Variants in ASB3 observed in about 807,000 individuals in gnomAD.
The protein encoded by ASB3 is ankyrin repeat and SOCS box protein 3.
Under a neutral mutation model 54.5 loss-of-function variants are expected in ASB3, and 41 were observed. The observed-to-expected ratio is 0.75, with a 90% CI of 0.59 to 0.98. The LOEUF is 0.98. ASB3 is among the 50% of genes least tolerant of loss of function. ASB3 has a pLI of 0.00. For missense variants in ASB3, 733 were observed against 620.0 expected (o/e 1.18, Z -1.94); for synonymous variants, 266 against 221.2 (o/e 1.20, Z -1.80).
chr2:53,681,704 T>G (rs1668379922), intron 9 of ASB3, among the ~76,000 whole-genome samples: 1 of 152,162 alleles, frequency 6.6e-6, no homozygotes, highest in Non-Finnish European at 1.5e-5. Flanking sequence ...CTCTATTCTG[T>G]TTCATTGGTC....
intron 3 of ASB3, among the ~76,000 whole-genome samples, chr2:53,741,544 C>T (rs926928062): frequency 5.9e-5 from 9 of 152,184 alleles, no homozygotes; most frequent in African/African-American, 2.2e-4. Flanking sequence ...AATCGACTGA[C>T]ATTTTGAGTG....
chr2:53,774,395 C>T (rs754610884), intron 1 of ASB3: 2 of 1,613,258 alleles, frequency 1.2e-6, no homozygotes, highest in South Asian at 2.2e-5. Context: ...GGAAGAAATA[C>T]AGAATATCTT....
At chr2:53,686,137 T>A (rs1668620005) in intron 9 of ASB3, among the ~76,000 whole-genome samples, 1 of 152,220 alleles carries the variant, frequency 6.6e-6, no homozygotes, top group South Asian at 2.1e-4. Context: ...CTTGAAGTGC[T>A]ACTCTCTATA....
At chr2:53,781,713 T>A (rs1674660804) in intron 1 of ASB3, among the ~76,000 whole-genome samples, 1 of 152,226 alleles carries the variant, frequency 6.6e-6, no homozygotes, top group African/African-American at 2.4e-5. Flanking sequence ...CAGGCTGGTC[T>A]TGAATTCCCA....
intron 5 of ASB3, among the ~76,000 whole-genome samples, chr2:53,727,141 T>C (rs1389495478): frequency 6.6e-6 from 1 of 152,198 alleles, no homozygotes; most frequent in African/African-American, 2.4e-5. Flanking sequence ...CACTTAAACA[T>C]TCACAGTCTG....
At chr2:53,758,811 C>T (rs1672980788) in intron 2 of ASB3, among the ~76,000 whole-genome samples, 1 of 152,156 alleles carries the variant, frequency 6.6e-6, no homozygotes. Flanking sequence ...GCTGGCATCC[C>T]TATGTTCTTT....
intron 3 of ASB3, among the ~76,000 whole-genome samples, chr2:53,734,738 T>C (rs1049760077): frequency 1.1e-4 from 16 of 152,164 alleles, no homozygotes; most frequent in African/African-American, 3.4e-4. Context: ...AAATTCCCCA[T>C]ATTTCTCTAA....
chr2:53,782,213 T>C (rs529290886), intron 1 of ASB3, among the ~76,000 whole-genome samples: 37 of 152,150 alleles, frequency 2.4e-4, no homozygotes, highest in African/African-American at 8.9e-4. Context: ...AATGGATTAC[T>C]CACTCTATGC....
At chr2:53,686,655 G>C (rs1426080875) in intron 9 of ASB3, among the ~76,000 whole-genome samples, 1 of 136,794 alleles carries the variant, frequency 7.3e-6, no homozygotes, top group Non-Finnish European at 1.6e-5. Context: ...CTCATACTTA[G>C]AACATGTAAA....
At chr2:53,672,443 T>C (rs902565608) in intron 9 of ASB3, among the ~76,000 whole-genome samples, 5 of 152,168 alleles carry the variant, frequency 3.3e-5, no homozygotes, top group South Asian at 2.1e-4. Flanking sequence ...GTTGCAGGAA[T>C]ACATATGGAA....
chr2:53,737,920 A>G (rs1419119782), intron 3 of ASB3, among the ~76,000 whole-genome samples: 1 of 152,196 alleles, frequency 6.6e-6, no homozygotes, highest in Non-Finnish European at 1.5e-5. Flanking sequence ...ATATTAATTG[A>G]AAAATGATTT....
intron 5 of ASB3, among the ~76,000 whole-genome samples, chr2:53,723,561 T>A (rs1017041718): frequency 7.9e-5 from 12 of 152,140 alleles, no homozygotes; most frequent in Non-Finnish European, 1.5e-4. Flanking sequence ...GACACCATTT[T>A]TTACAGAATT....
chr2:53,725,784 T>G (rs1488354506), intron 5 of ASB3, among the ~76,000 whole-genome samples: 1 of 152,104 alleles, frequency 6.6e-6, no homozygotes, highest in East Asian at 1.9e-4. Flanking sequence ...AAATGGTAAA[T>G]TAAAGAGTCT....
At chr2:53,775,756 G>A (rs1414948626) in intron 1 of ASB3, among the ~76,000 whole-genome samples, 3 of 152,342 alleles carry the variant, frequency 2.0e-5, no homozygotes, top group Non-Finnish European at 4.4e-5. Context: ...GATTACAGGT[G>A]TGAGCCACCA....
intron 1 of ASB3, among the ~76,000 whole-genome samples, chr2:53,768,512 A>C (rs1005889142): frequency 6.6e-5 from 10 of 152,196 alleles, no homozygotes; most frequent in Non-Finnish European, 1.5e-4. Flanking sequence ...GGATTTCTTT[A>C]CATCTTTCAA....
intron 5 of ASB3, among the ~76,000 whole-genome samples, chr2:53,727,440 G>C (rs1671063294): frequency 6.6e-6 from 1 of 152,048 alleles, no homozygotes; most frequent in South Asian, 2.1e-4. Context: ...GATCACTTGA[G>C]GTTGGGAGAT....
intron 1 of ASB3, chr2:53,767,604 A>G (rs900693978): frequency 2.7e-6 from 1 of 375,790 alleles, no homozygotes; most frequent in Non-Finnish European, 4.9e-6. Context: ...CACGGGCACT[A>G]AAGGTAGGTT....
At chr2:53,785,286 T>C (rs989886804) in intron 1 of ASB3, among the ~76,000 whole-genome samples, 3 of 152,226 alleles carry the variant, frequency 2.0e-5, no homozygotes, top group Admixed American at 2.0e-4. Flanking sequence ...CCCTCTTACT[T>C]GAACATCAGC....
intron 7 of ASB3, among the ~76,000 whole-genome samples, chr2:53,704,999 G>C (rs945822478): frequency 2.6e-5 from 4 of 152,112 alleles, no homozygotes; most frequent in Admixed American, 6.5e-5. Context: ...ATTGACCTGT[G>C]ATCCTACTTT....
Sources: allele counts gnomAD v4.1 joint callset (sites outside exome capture counted in the v4.1 genomes callset), GRCh38; gene constraint gnomAD v4.1.1; transcripts MANE v1.5; gene names NCBI Gene and HGNC (gene_info 2026-07-23, HGNC 2026-07-21).